The following AKT2 variants were observed in gnomAD, a reference collection of about 807,000 sequenced individuals.
The protein encoded by AKT2 is AKT serine/threonine kinase 2.
AKT2 carries 16 observed loss-of-function variants against 58.6 expected under a neutral mutation model. The ratio of observed to expected loss-of-function variants is 0.27; its 90% CI spans 0.18 to 0.41. AKT2 has a LOEUF of 0.41. Ranked by LOEUF, AKT2 falls within the 10% of genes least tolerant of loss-of-function variation. The pLI, the probability that AKT2 is intolerant of heterozygous loss-of-function variation, is 1.00. For missense variants in AKT2, 438 were observed against 661.0 expected, an observed-to-expected ratio of 0.66 and a Z score of 3.70; for synonymous variants, 253 against 254.0, an observed-to-expected ratio of 1.00 and a Z score of 0.04.
chr19:40,254,732 G>A (rs184889038), intron 4 of AKT2, among the ~76,000 whole-genome samples: 1 of 152,112 alleles, frequency 6.6e-6, no homozygotes, highest in Non-Finnish European at 1.5e-5. Context: ...GGGAGGCTGA[G>A]GCAGGAAAAT....
At chr19:40,279,804 T>C (rs2077392035) in intron 1 of AKT2, among the ~76,000 whole-genome samples, 2 of 152,104 alleles carry the variant, frequency 1.3e-5, no homozygotes, top group Non-Finnish European at 2.9e-5. Flanking sequence ...CCCCAACACT[T>C]CCTGGTTGGG....
At chr19:40,277,722 C>T (rs1183417598) in intron 1 of AKT2, among the ~76,000 whole-genome samples, 3 of 152,208 alleles carry the variant, frequency 2.0e-5, no homozygotes, top group Non-Finnish European at 4.4e-5. Flanking sequence ...CAGCAGCCTT[C>T]CCAAGCCCCT....
In AKT2 at chr19:40,242,377, T is replaced by G; in HGVS notation, c.441+157A>C. 1 of 1,215,440 alleles carries G rather than the reference T, an allele frequency of 8.2e-7. No homozygotes were observed. Among genetic ancestry groups the G allele is most frequent in the Non-Finnish European group, 1.2e-6 (1 of 837,560 alleles). 75.3% of individuals were successfully genotyped at this position (1,215,440 alleles called of 1,614,324 possible). A position where few individuals can be genotyped will look rare whatever the true frequency, so the allele number is the denominator to read the frequency against. ...TCCCCTACGGGCATGGAGCACACCC[T>G]AGGGCACCTGCCACCTGAAATCACC... is the stretch of plus-strand genomic sequence containing the variant. On this transcript the variant is annotated intron_variant, in intron 5 of 13. Coordinates refer to ENST00000392038, the MANE Select transcript of AKT2 (RefSeq NM_001626.6). The surrounding 1 kb of genome is among the most constrained non-coding windows in gnomAD (Gnocchi z 4.3).
Position 40,242,447 on chromosome 19 carries a change from T to C in AKT2, c.441+87A>G. ...TGTCTCTCAGCTGAGCCCCCTGAAC[T>C]GTGTTATGGAAACCAAGGAGAGCAG... On this transcript the variant is annotated intron_variant, in intron 5 of 13. Transcript: ENST00000392038. The surrounding 1 kb of genome is among the most constrained non-coding windows in gnomAD (Gnocchi z 4.3). 6.3e-7 allele frequency: 1 copy of C among 1,583,694 alleles called. No homozygotes were observed. Among genetic ancestry groups the C allele is most frequent in the Admixed American group, 1.7e-5 (1 of 59,992 alleles).
At position 40,234,068 on chromosome 19, in the gene AKT2, A is replaced by G; in HGVS notation, c.1367-117T>C. On this transcript the variant is annotated intron_variant, in intron 13 of 13. Coordinates refer to ENST00000392038, the MANE Select transcript of AKT2 (RefSeq NM_001626.6). This position sits in a 1 kb window ranked among gnomAD's most constrained non-coding sequence, Gnocchi z 4.7. ...GGGGCTGCCCACAGGACAGGACAGG[A>G]AAGGCCCATCCCTCCGCAATGGAGG... The G allele has an allele frequency of 1.9e-6, 2 of 1,034,076 alleles. No individual in the cohort carries two copies. The highest frequency in any genetic ancestry group is 2.3e-5 in the Admixed American group (1 of 42,862). 64.1% of individuals were successfully genotyped at this position (1,034,076 alleles called of 1,614,324 possible).
In AKT2 at chr19:40,234,905, G is replaced by A. The variant is rs1973915379; in HGVS notation, c.1366+140C>T. On this transcript the variant is annotated intron_variant, in intron 13 of 13. Transcript: ENST00000392038. This position sits in a 1 kb window ranked among gnomAD's most constrained non-coding sequence, Gnocchi z 4.7. ...TCCAAAGAGGACCAACAGCAAAAGG[G>A]CCTGAGAGCAGACTTGGGGAAATCT... is the stretch of plus-strand genomic sequence containing the variant. The A allele has an allele frequency of 2.4e-6, 2 of 821,964 alleles. No individual in the cohort carries two copies. The highest frequency in any genetic ancestry group is 2.0e-6 in the Non-Finnish European group (1 of 488,748). The allele number at this position is 821,964 out of a possible 1,614,324, so 50.9% of individuals were successfully genotyped here.
Position 40,237,756 on chromosome 19 carries a change from C to G in AKT2, c.831+213G>C, listed in dbSNP as rs1974120311. On this transcript the variant is annotated intron_variant, in intron 9 of 13. Transcript: ENST00000392038. The surrounding 1 kb of genome is among the most constrained non-coding windows in gnomAD (Gnocchi z 4.5). ...CTACTTGGGGCAACTTGCCACAGAG[C>G]CACCACCCTGGACCTTGGTGGGGAG... The G allele has an allele frequency of 4.6e-6, 3 of 650,764 alleles. No individual in the cohort carries two copies. Among genetic ancestry groups the G allele is most frequent in the Non-Finnish European group, 7.6e-6 (3 of 392,756 alleles). The allele number at this position is 650,764 out of a possible 1,614,324, so 40.3% of individuals were successfully genotyped here.
rs143563780 is a variant in AKT2 at position 40,251,731 on chromosome 19, C to CATG, written c.287+3424_287+3426dup. Among the ~76,000 whole-genome samples the CATG allele has an allele frequency of 8.2e-3, 1,249 of 152,212 alleles. 15 individuals are homozygous for CATG. Among genetic ancestry groups the CATG allele is most frequent in the African/African-American group, 0.029 (1,193 of 41,528 alleles). On this transcript the variant is annotated intron_variant, in intron 4 of 13. Coordinates refer to ENST00000392038, the MANE Select transcript of AKT2 (RefSeq NM_001626.6). ...GGTAACTAAAGAAATTCAAGTACGG[C>CATG]ATGGATAAGGAGAAGTTACTAGTAA...
intron 4 of AKT2, among the ~76,000 whole-genome samples, chr19:40,250,533 A>C (rs1975080430): frequency 6.6e-6 from 1 of 151,438 alleles, no homozygotes; most frequent in Non-Finnish European, 1.5e-5. Flanking sequence ...TTTACGTCAA[A>C]AAGATCACAG....
At chr19:40,260,722 T>C (rs1600072001) in intron 2 of AKT2, among the ~76,000 whole-genome samples, 1 of 139,934 alleles carries the variant, frequency 7.1e-6, no homozygotes, top group Non-Finnish European at 1.5e-5. Flanking sequence ...ATCTACAACA[T>C]AGAGATTATT....
At position 40,233,969 on chromosome 19, in the gene AKT2, G is replaced by T. The variant is rs1973854571; in HGVS notation, c.1367-18C>A. ...GCTGTCATCTGTGGGCGGCAGAGGTGGATGGGGAGGACCAGTCAGGAGAGG... is the reference window on the plus strand; with the variant it reads ...GCTGTCATCTGTGGGCGGCAGAGGTTGATGGGGAGGACCAGTCAGGAGAGG... On this transcript the variant is annotated intron_variant, in intron 13 of 13. Coordinates refer to ENST00000392038, the MANE Select transcript of AKT2 (RefSeq NM_001626.6). This position sits in a 1 kb window ranked among gnomAD's most constrained non-coding sequence, Gnocchi z 4.3. 1 of 1,607,800 alleles carries T rather than the reference G, an allele frequency of 6.2e-7. No individual in the cohort carries two copies. Among genetic ancestry groups the T allele is most frequent in the Non-Finnish European group, 8.5e-7 (1 of 1,179,462 alleles).
At chr19:40,258,531 T>C (rs976336724) in intron 2 of AKT2, among the ~76,000 whole-genome samples, 1 of 151,984 alleles carries the variant, frequency 6.6e-6, no homozygotes, top group Non-Finnish European at 1.5e-5. Flanking sequence ...CCAGGAGTCG[T>C]TGCGTGTGCC....
Position 40,230,716 on chromosome 19 carries a change from G to GGT in AKT2, c.*3155_*3156insAC. 5.7e-6 allele frequency: 1 copy of GGT among 176,500 alleles called. No individual in the cohort carries two copies. Among genetic ancestry groups the GGT allele is most frequent in the African/African-American group, 2.4e-5 (1 of 40,914 alleles). 10.9% of individuals were successfully genotyped at this position (176,500 alleles called of 1,614,324 possible). A position where few individuals can be genotyped will look rare whatever the true frequency, so the allele number is the denominator to read the frequency against. ...TGTCTTTTTTAATAGCATGTATCAT[G>GGT]TTTTTTTTTTTTTTATTTTTAGAGA... is the stretch of plus-strand genomic sequence containing the variant. On this transcript the variant is annotated 3_prime_UTR_variant, in exon 14 of 14. Coordinates refer to ENST00000392038, the MANE Select transcript of AKT2 (RefSeq NM_001626.6).
intron 4 of AKT2, among the ~76,000 whole-genome samples, chr19:40,253,151 A>T (rs2079504676): frequency 6.6e-6 from 1 of 152,158 alleles, no homozygotes; most frequent in African/African-American, 2.4e-5. Context: ...CAAATGCTCA[A>T]TCGGCACAAG....
Position 40,235,836 on chromosome 19 carries a change from G to A in AKT2, c.1175+54C>T. Reference sequence around the variant, plus strand: ...TGGACGCTGCCCCCTCCAGGCCGCAGGGACAGTGGCAGCAGCTGGCGCTGG... The same window carrying A: ...TGGACGCTGCCCCCTCCAGGCCGCAAGGACAGTGGCAGCAGCTGGCGCTGG... On this transcript the variant is annotated intron_variant, in intron 11 of 13. Transcript: ENST00000392038. This position sits in a 1 kb window ranked among gnomAD's most constrained non-coding sequence, Gnocchi z 6.3. 1 of 1,553,354 alleles carries A rather than the reference G, an allele frequency of 6.4e-7. No individual in the cohort carries two copies. The highest frequency in any genetic ancestry group is 8.7e-7 in the Non-Finnish European group (1 of 1,148,322).
chr19:40,243,140 C>CAA (rs879932270), intron 4 of AKT2: 452 of 116,126 alleles, frequency 3.9e-3, no homozygotes, highest in African/African-American at 9.7e-3. Flanking sequence ...GACTCCGTCT[C>CAA]AAAAAAAAAA....
In AKT2 at chr19:40,265,298, C is replaced by G; in HGVS notation, c.-31G>C. On this transcript the variant is annotated 5_prime_UTR_variant, in exon 2 of 14. Coordinates refer to ENST00000392038, the MANE Select transcript of AKT2 (RefSeq NM_001626.6). ...CAGCGTGGTACGCTGTCACCTAGCTCGGGACAGCTCAGGGCAGCAGGACAT... is the reference window on the plus strand; with the variant it reads ...CAGCGTGGTACGCTGTCACCTAGCTGGGGACAGCTCAGGGCAGCAGGACAT... 2.5e-6 allele frequency: 4 copies of G among 1,609,590 alleles called. No homozygotes were observed. The highest frequency in any genetic ancestry group is 3.4e-6 in the Non-Finnish European group (4 of 1,178,226).
At chr19:40,267,911 T>C (rs1215609646) in intron 1 of AKT2, among the ~76,000 whole-genome samples, 2 of 151,670 alleles carry the variant, frequency 1.3e-5, no homozygotes, top group African/African-American at 4.8e-5. Context: ...GTGCGGGACT[T>C]GCGAGCAGAC....
In AKT2 at chr19:40,242,315, G is replaced by C. The variant is rs1180203598; in HGVS notation, c.441+219C>G. 3 of 872,196 alleles carry C rather than the reference G, an allele frequency of 3.4e-6. No homozygotes were observed. The highest frequency in any genetic ancestry group is 1.7e-5 in the African/African-American group (1 of 60,078). 54.0% of individuals were successfully genotyped at this position (872,196 alleles called of 1,614,324 possible). On this transcript the variant is annotated intron_variant, in intron 5 of 13. Transcript: ENST00000392038. This position sits in a 1 kb window ranked among gnomAD's most constrained non-coding sequence, Gnocchi z 4.3. ...GTAGCCAGGTCTTCACCAACTCCCA[G>C]GACGAACCTGCAGTGGGTCCACCCA...
Sources: gnomAD v4.1 joint callset for allele counts (sites outside exome capture counted in the v4.1 genomes callset) on GRCh38, gnomAD v4.1.1 for gene constraint, Gnocchi (gnomAD v3.1) non-coding constraint, MANE v1.5 for transcripts, NCBI Gene and HGNC (gene_info 2026-07-23, HGNC 2026-07-21) for gene names.